INTS7: variants seen among roughly 807,000 people sequenced by gnomAD.
INTS7 encodes the protein integrator complex subunit 7, also known as chromosome 1 open reading frame 73.
A neutral mutation model predicts 109.2 loss-of-function variants in INTS7; 46 were observed. That is an observed-to-expected ratio of 0.42 (90% CI 0.33 to 0.54). The LOEUF (loss-of-function observed/expected upper bound fraction) is 0.54. INTS7 is among the 20% of genes least tolerant of loss of function. The pLI, the probability that INTS7 is intolerant of heterozygous loss-of-function variation, is 0.07. For synonymous variants in INTS7, 412 were observed against 402.9 expected, an observed-to-expected ratio of 1.02 and a Z score of -0.27; for missense variants, 929 against 1,132.4, an observed-to-expected ratio of 0.82 and a Z score of 2.58.
chr1:212,018,531 C>A (rs1016876873), intron 3 of INTS7, among the ~76,000 whole-genome samples: 2 of 148,198 alleles, frequency 1.3e-5, no homozygotes, highest in Non-Finnish European at 3.0e-5. Context: ...TTTGTGAAAA[C>A]CAATTCAAAC....
At chr1:211,993,863 T>C (rs1371764706) in intron 7 of INTS7, among the ~76,000 whole-genome samples, 2 of 152,136 alleles carry the variant, frequency 1.3e-5, no homozygotes, top group African/African-American at 4.8e-5. Flanking sequence ...AATAATAATA[T>C]ACTTGGACCT....
intron 15 of INTS7, among the ~76,000 whole-genome samples, chr1:211,966,803 G>A (rs2102407542): frequency 6.6e-6 from 1 of 152,152 alleles, no homozygotes; most frequent in Non-Finnish European, 1.5e-5. Flanking sequence ...TTAGATATAG[G>A]GGTTTTTCAT....
chr1:212,023,907 G>A (rs1219153049), intron 1 of INTS7, among the ~76,000 whole-genome samples: 1 of 152,128 alleles, frequency 6.6e-6, no homozygotes, highest in Non-Finnish European at 1.5e-5. Flanking sequence ...AAAGGTAGGG[G>A]TCCAGTTTCA....
chr1:211,972,964 C>T (rs1005413824), intron 13 of INTS7, among the ~76,000 whole-genome samples: 3 of 152,116 alleles, frequency 2.0e-5, no homozygotes, highest in East Asian at 1.9e-4. Flanking sequence ...ACTACTACTG[C>T]TACTTCTCTT....
intron 1 of INTS7, among the ~76,000 whole-genome samples, chr1:212,022,667 T>C (rs1666758093): frequency 6.6e-6 from 1 of 151,796 alleles, no homozygotes; most frequent in African/African-American, 2.4e-5. Context: ...ATGGGATAAC[T>C]ATAACTCTCA....
intron 16 of INTS7, among the ~76,000 whole-genome samples, chr1:211,954,387 G>A (rs1257602519): frequency 1.3e-5 from 2 of 152,194 alleles, no homozygotes; most frequent in African/African-American, 4.8e-5. Context: ...CTGTGCAGAA[G>A]CTCTTTAGTT....
At chr1:211,952,852 G>A in intron 16 of INTS7, 151 bp from the exon 17 acceptor site, 1 of 766,954 alleles carries the variant, frequency 1.3e-6, no homozygotes, top group Non-Finnish European at 2.0e-6. Context: ...GCTAGGAGAG[G>A]GTAAGTAGTT....
At chr1:212,020,098 G>A (rs754080138) in intron 3 of INTS7, 24 bp downstream of exon 3, 11 of 1,437,126 alleles carry the variant, frequency 7.7e-6, no homozygotes, top group African/African-American at 1.5e-5. Flanking sequence ...ATCTCATAGT[G>A]AATTATTATA....
At chr1:212,033,383 T>A (rs998594036) in intron 1 of INTS7, among the ~76,000 whole-genome samples, 1 of 152,224 alleles carries the variant, frequency 6.6e-6, no homozygotes. Flanking sequence ...AAAGAACAAG[T>A]CATCTTTCTG....
At chr1:211,945,776 T>G (rs1405022500) in intron 18 of INTS7, among the ~76,000 whole-genome samples, 1 of 152,246 alleles carries the variant, frequency 6.6e-6, no homozygotes, top group African/African-American at 2.4e-5. Context: ...ATTTTCTCCC[T>G]TTTCCAACAA....
intron 7 of INTS7, 86 bp from the exon 8 acceptor site, chr1:211,988,089 T>C (rs193071952): frequency 5.9e-5 from 39 of 663,774 alleles, no homozygotes; most frequent in Middle Eastern, 5.4e-4. Flanking sequence ...TTCTGGCTTT[T>C]AGAAAAATTA....
At chr1:211,954,589 G>A (rs1286916003) in intron 16 of INTS7, among the ~76,000 whole-genome samples, 4 of 152,080 alleles carry the variant, frequency 2.6e-5, no homozygotes, top group Non-Finnish European at 5.9e-5. Context: ...TGTAAGGAAG[G>A]GATCCAGTTT....
chr1:211,967,815 T>C, intron 15 of INTS7, 63 bp downstream of exon 15: 1 of 807,182 alleles, frequency 1.2e-6, no homozygotes, highest in Non-Finnish European at 2.1e-6. Flanking sequence ...ATATCTGAGG[T>C]AGTCCGTATT....
chr1:211,972,194 A>AT (rs559984376), intron 13 of INTS7, among the ~76,000 whole-genome samples: 1 of 151,996 alleles, frequency 6.6e-6, no homozygotes, highest in African/African-American at 2.4e-5. Flanking sequence ...TATTTGTTGT[A>AT]TTTTTTTATG....
chr1:211,981,936 A>G (rs577130590), intron 9 of INTS7, among the ~76,000 whole-genome samples: 1 of 152,270 alleles, frequency 6.6e-6, no homozygotes, highest in African/African-American at 2.4e-5. Context: ...ATGTTTCCTG[A>G]GTGCAGGAGC....
At chr1:212,026,417 C>G (rs893878031) in intron 1 of INTS7, among the ~76,000 whole-genome samples, 1 of 152,150 alleles carries the variant, frequency 6.6e-6, no homozygotes, top group Non-Finnish European at 1.5e-5. Flanking sequence ...ACATTTCTAA[C>G]TGAGATAGAA....
At chr1:212,014,232 A>C (rs1666295517) in intron 4 of INTS7, among the ~76,000 whole-genome samples, 2 of 152,162 alleles carry the variant, frequency 1.3e-5, no homozygotes, top group Admixed American at 1.3e-4. Context: ...TGGGAGGCCA[A>C]GGCAGGTGGA....
At position 212,035,502 on chromosome 1, in the gene INTS7, C is replaced by A. The variant is rs1667402056; in HGVS notation, c.-65G>T. On this transcript the variant is annotated 5_prime_UTR_variant, in exon 1 of 20. Coordinates refer to ENST00000366994, the MANE Select transcript of INTS7 (RefSeq NM_015434.4). ...GCAAACTCTACCCCAGGACCGCCATCTTCCCCCGCCGCCTTCTTGCTGGTT... is the reference window on the plus strand; with the variant it reads ...GCAAACTCTACCCCAGGACCGCCATATTCCCCCGCCGCCTTCTTGCTGGTT... 2 of 1,185,166 alleles carry A rather than the reference C, an allele frequency of 1.7e-6. No homozygotes were observed. The highest frequency in any genetic ancestry group is 1.5e-5 in the African/African-American group (1 of 66,780). The allele number at this position is 1,185,166 out of a possible 1,614,324, so 73.4% of individuals were successfully genotyped here.
At chr1:212,005,629 A>C (rs1665871986) in intron 7 of INTS7, among the ~76,000 whole-genome samples, 1 of 152,184 alleles carries the variant, frequency 6.6e-6, no homozygotes, top group South Asian at 2.1e-4. Flanking sequence ...GGTTCTTTGT[A>C]CAAATTCTCT....
Sources: allele counts gnomAD v4.1 joint callset (sites outside exome capture counted in the v4.1 genomes callset), GRCh38; gene constraint gnomAD v4.1.1; transcripts MANE v1.5; gene names NCBI Gene and HGNC (gene_info 2026-07-23, HGNC 2026-07-21).